Variants in CFTR observed in about 807,000 individuals in gnomAD.
CFTR encodes the protein cystic fibrosis transmembrane conductance regulator.
Under a neutral mutation model 171.6 loss-of-function variants are expected in CFTR, and 181 were observed. The ratio of observed to expected loss-of-function variants is 1.05; its 90% CI spans 0.93 to 1.19. The LOEUF (loss-of-function observed/expected upper bound fraction) is 1.19, where lower values mean the gene tolerates loss of function less well. CFTR is among the 50% of genes most tolerant of loss of function. The pLI is 0.00. For synonymous variants in CFTR, 583 were observed against 608.0 expected (o/e 0.96, Z 0.60); for missense variants, 1,968 against 1,734.7 (o/e 1.13, Z -2.39).
At chr7:117,518,569 C>CATATATATATATATAT (rs72291298) in intron 3 of CFTR, among the ~76,000 whole-genome samples, 8 of 142,104 alleles carry the variant, frequency 5.6e-5, no homozygotes, top group African/African-American at 1.8e-4. Context: ...TATATAAAAA[C>CATATATATATATATAT]ATATATATAT....
At chr7:117,632,078 G>A (rs1189801058) in intron 22 of CFTR, among the ~76,000 whole-genome samples, 2 of 152,144 alleles carry the variant, frequency 1.3e-5, no homozygotes, top group Non-Finnish European at 2.9e-5. Context: ...ATCTTTAAGA[G>A]CAGGGCTTCT....
At chr7:117,627,952 T>C (rs527423240) in intron 22 of CFTR, 182 bp downstream of exon 22, 11 of 638,428 alleles carry the variant, frequency 1.7e-5, no homozygotes, top group African/African-American at 1.6e-4. Flanking sequence ...ATTTGCAGAG[T>C]CCTGAACCTA....
At chr7:117,580,889 T>G (rs1791839842) in intron 11 of CFTR, among the ~76,000 whole-genome samples, 1 of 152,144 alleles carries the variant, frequency 6.6e-6, no homozygotes, top group African/African-American at 2.4e-5. Flanking sequence ...TAGCAACAAG[T>G]GTGGGGATTT....
intron 9 of CFTR, among the ~76,000 whole-genome samples, chr7:117,545,926 C>T (rs1799138705): frequency 6.6e-6 from 1 of 151,870 alleles, no homozygotes. Context: ...TCAAGTGATC[C>T]TCCTGCCTTA....
intron 11 of CFTR, among the ~76,000 whole-genome samples, chr7:117,578,779 A>G (rs1011308076): frequency 3.3e-5 from 5 of 152,120 alleles, no homozygotes; most frequent in African/African-American, 1.2e-4. Flanking sequence ...AATTCTGAAA[A>G]TCTCTCTTTT....
chr7:117,583,119 A>G (rs1791873428), intron 11 of CFTR, among the ~76,000 whole-genome samples: 1 of 152,174 alleles, frequency 6.6e-6, no homozygotes, highest in Non-Finnish European at 1.5e-5. Context: ...GGTATAATGA[A>G]ATTGCATTTG....
chr7:117,491,038 A>G (rs1798152148), intron 1 of CFTR, among the ~76,000 whole-genome samples: 1 of 152,110 alleles, frequency 6.6e-6, no homozygotes, highest in South Asian at 2.1e-4. Context: ...AGAATACTAT[A>G]GAGTATACCT....
chr7:117,643,740 A>G (rs1052479251), intron 23 of CFTR, among the ~76,000 whole-genome samples: 16 of 152,186 alleles, frequency 1.1e-4, no homozygotes, highest in Admixed American at 3.9e-4. Flanking sequence ...AGCGAAAAAG[A>G]ACTGGTTGAT....
intron 21 of CFTR, among the ~76,000 whole-genome samples, chr7:117,623,863 A>G (rs905801125): frequency 2.6e-5 from 4 of 152,194 alleles, no homozygotes; most frequent in African/African-American, 9.7e-5. Flanking sequence ...AACGCTTTGA[A>G]CGAGGTTACT....
At chr7:117,534,419 T>A (rs933219867) in intron 5 of CFTR, 54 bp downstream of exon 5, 13 of 989,926 alleles carry the variant, frequency 1.3e-5, no homozygotes, top group Non-Finnish European at 2.1e-5. Flanking sequence ...ATTATACAAC[T>A]GGAAAGGCGG....
chr7:117,666,916 A>C lies in CFTR; in HGVS notation c.4251A>C (p.Glu1417Asp), dbSNP rs1793384834. 6.2e-7 allele frequency: 1 copy of C among 1,614,032 alleles called. No homozygotes were observed. Among genetic ancestry groups the C allele is most frequent in the Non-Finnish European group, 8.5e-7 (1 of 1,179,950 alleles). ...MLECQQFLVI[E>D]ENKVRQYDSI... is the part of the protein sequence containing the mutation. ...AACAGCCATTTCCCTAGGTCATAGA[A>C]GAGAACAAAGTGCGGCAGTACGATT... Residue 1417 changes from glutamate to aspartate, a missense_variant, in exon 27 of 27, where the codon GAA becomes GAC. Transcript: ENST00000003084.
chr7:117,520,523 A>G (rs1798669383), intron 3 of CFTR, among the ~76,000 whole-genome samples: 2 of 151,834 alleles, frequency 1.3e-5, no homozygotes, highest in African/African-American at 2.4e-5. Context: ...CAGTTTGTCC[A>G]TCATTTATTG....
chr7:117,501,747 C>CAAAA (rs1212853305), intron 1 of CFTR, among the ~76,000 whole-genome samples: 19 of 43,872 alleles, frequency 4.3e-4, no homozygotes, highest in South Asian at 9.6e-4. Flanking sequence ...AACTCTGTCT[C>CAAAA]AAAAAAAAAA....
At chr7:117,548,887 G>A in intron 10 of CFTR, 64 bp downstream of exon 10, 1 of 1,553,458 alleles carries the variant, frequency 6.4e-7, no homozygotes, top group Non-Finnish European at 8.7e-7. Flanking sequence ...TTTTTTTCTA[G>A]TTTGTAGTGC....
At chr7:117,504,756 T>TCA (rs1798387862) in intron 2 of CFTR, among the ~76,000 whole-genome samples, 1 of 121,126 alleles carries the variant, frequency 8.3e-6, no homozygotes, top group Admixed American at 8.7e-5. Flanking sequence ...CCTCTCTCTC[T>TCA]AAAAAAAAAA....
intron 7 of CFTR, among the ~76,000 whole-genome samples, chr7:117,539,329 T>C (rs572502484): frequency 6.6e-6 from 1 of 152,324 alleles, no homozygotes; most frequent in African/African-American, 2.4e-5. Flanking sequence ...TGATTGCAAA[T>C]AATTATATTG....
chr7:117,562,642 G>A (rs1791532774), intron 11 of CFTR, among the ~76,000 whole-genome samples: 2 of 152,072 alleles, frequency 1.3e-5, no homozygotes, highest in South Asian at 4.2e-4. Context: ...GAGCATGGTG[G>A]GTATGAAATG....
intron 22 of CFTR, among the ~76,000 whole-genome samples, chr7:117,637,424 TGTGAA>T (rs971029623): frequency 4.1e-4 from 62 of 152,244 alleles, no homozygotes; most frequent in African/African-American, 1.4e-3. Context: ...TGGAAGCACT[TGTGAA>T]GTGTTTTTTC....
intron 11 of CFTR, among the ~76,000 whole-genome samples, chr7:117,560,427 G>C (rs1896887): frequency 0.26 from 39,047 of 151,924 alleles, 5,329 homozygotes; most frequent in East Asian, 0.42. Context: ...AATAGTGTTT[G>C]TGATTCAAAA....
Sources: allele counts gnomAD v4.1 joint callset (sites outside exome capture counted in the v4.1 genomes callset), GRCh38; gene constraint gnomAD v4.1.1; transcripts MANE v1.5; gene names NCBI Gene and HGNC (gene_info 2026-07-23, HGNC 2026-07-21).